MARCHF1: variants seen among roughly 807,000 people sequenced by gnomAD.
MARCHF1 encodes E3 ubiquitin-protein ligase MARCHF1.
In MARCHF1, 40 loss-of-function variants were observed where a neutral mutation model predicts 54.2. The observed-to-expected ratio is 0.74, with a 90% CI of 0.57 to 0.96. The LOEUF (loss-of-function observed/expected upper bound fraction) is 0.96, where lower values mean the gene tolerates loss of function less well. Among genes scored for constraint, MARCHF1 ranks in the 40% least tolerant of loss-of-function variants. MARCHF1 has a pLI of 0.00. For synonymous variants in MARCHF1, 236 were observed against 236.3 expected (o/e 1.00, Z 0.01); for missense variants, 586 against 656.5 (o/e 0.89, Z 1.17).
intron 5 of MARCHF1, among the ~76,000 whole-genome samples, chr4:163,698,833 T>C (rs1387667876): frequency 6.6e-6 from 1 of 152,214 alleles, no homozygotes; most frequent in Non-Finnish European, 1.5e-5. Flanking sequence ...TCATTACTTA[T>C]TCAACATTAG....
intron 8 of MARCHF1, among the ~76,000 whole-genome samples, chr4:163,574,151 G>A (rs1478174517): frequency 5.9e-5 from 9 of 151,950 alleles, no homozygotes; most frequent in Non-Finnish European, 1.2e-4. Flanking sequence ...CCCACTTTTT[G>A]ATGGGGTTGT....
chr4:163,837,192 C>T (rs1330421032), intron 4 of MARCHF1, among the ~76,000 whole-genome samples: 2 of 152,010 alleles, frequency 1.3e-5, no homozygotes, highest in Non-Finnish European at 2.9e-5. Context: ...ATTCTAGATC[C>T]AGTGCTAATA....
chr4:163,557,603 G>C (rs111415056), intron 8 of MARCHF1, among the ~76,000 whole-genome samples: 4,878 of 152,228 alleles, frequency 0.032, 278 homozygotes, highest in African/African-American at 0.11. Flanking sequence ...TAAAGCTCAA[G>C]AGTGAGAACT....
chr4:163,903,475 T>C (rs899250593), intron 3 of MARCHF1, among the ~76,000 whole-genome samples: 2 of 152,226 alleles, frequency 1.3e-5, no homozygotes, highest in Non-Finnish European at 2.9e-5. Context: ...TTATTTTAAA[T>C]AGATGATTTG....
At chr4:163,814,649 C>T (rs1435042753) in intron 4 of MARCHF1, among the ~76,000 whole-genome samples, 1 of 152,126 alleles carries the variant, frequency 6.6e-6, no homozygotes, top group African/African-American at 2.4e-5. Flanking sequence ...GAAACTTTGC[C>T]ACACAATGCA....
chr4:163,682,313 C>T (rs1236706659), intron 5 of MARCHF1, among the ~76,000 whole-genome samples: 2 of 152,134 alleles, frequency 1.3e-5, no homozygotes, highest in African/African-American at 2.4e-5. Flanking sequence ...AAGGAAAAAC[C>T]CATTTTCTGG....
chr4:163,721,967 T>C (rs1745483908), intron 4 of MARCHF1, among the ~76,000 whole-genome samples: 1 of 152,122 alleles, frequency 6.6e-6, no homozygotes, highest in Non-Finnish European at 1.5e-5. Flanking sequence ...TTGTTGATCG[T>C]TTCAAAAAAC....
At chr4:164,153,029 C>T (rs1012144592) in intron 1 of MARCHF1, among the ~76,000 whole-genome samples, 1 of 152,062 alleles carries the variant, frequency 6.6e-6, no homozygotes, top group Admixed American at 6.6e-5. Flanking sequence ...CTCAGAACCT[C>T]CCGAAAGCTG....
intron 5 of MARCHF1, among the ~76,000 whole-genome samples, chr4:163,695,954 T>G (rs1488363397): frequency 6.6e-6 from 1 of 152,072 alleles, no homozygotes; most frequent in East Asian, 1.9e-4. Flanking sequence ...TGATGGATAA[T>G]TGAAAGCTGC....
chr4:163,902,614 A>T (rs1750966862), intron 3 of MARCHF1, among the ~76,000 whole-genome samples: 1 of 152,156 alleles, frequency 6.6e-6, no homozygotes, highest in South Asian at 2.1e-4. Context: ...TTCTCACAGC[A>T]CTGTCCTAGA....
chr4:163,882,983 T>C (rs1750449596), intron 3 of MARCHF1, among the ~76,000 whole-genome samples: 1 of 152,034 alleles, frequency 6.6e-6, no homozygotes, highest in Non-Finnish European at 1.5e-5. Flanking sequence ...TCTCAAATAA[T>C]ATATTTATTT....
At chr4:164,219,202 T>C (rs926163182) in intron 1 of MARCHF1, among the ~76,000 whole-genome samples, 6 of 144,176 alleles carry the variant, frequency 4.2e-5, no homozygotes, top group Non-Finnish European at 9.0e-5. Flanking sequence ...TTATTAATCA[T>C]GTGGAAGACA....
At chr4:163,664,964 A>G (rs901652753) in intron 5 of MARCHF1, among the ~76,000 whole-genome samples, 3 of 152,102 alleles carry the variant, frequency 2.0e-5, no homozygotes, top group African/African-American at 7.2e-5. Context: ...CCCAGATTAG[A>G]TTATATTTAG....
intron 1 of MARCHF1, among the ~76,000 whole-genome samples, chr4:164,328,788 C>G (rs941496445): frequency 2.6e-5 from 4 of 152,154 alleles, no homozygotes; most frequent in Non-Finnish European, 5.9e-5. Flanking sequence ...CCTCAGCCCC[C>G]TAAAGTGCTG....
intron 9 of MARCHF1, among the ~76,000 whole-genome samples, chr4:163,535,049 C>T (rs1310657204): frequency 6.6e-6 from 1 of 151,868 alleles, no homozygotes; most frequent in Non-Finnish European, 1.5e-5. Flanking sequence ...TAATTTTTGA[C>T]CATTAGTGCA....
chr4:163,587,176 G>C (rs181421554), intron 7 of MARCHF1, among the ~76,000 whole-genome samples: 44 of 152,112 alleles, frequency 2.9e-4, no homozygotes, highest in Admixed American at 2.7e-3. Flanking sequence ...TTTTCTCTTT[G>C]GATGAGACAA....
At chr4:163,940,162 A>T (rs557720765) in intron 3 of MARCHF1, among the ~76,000 whole-genome samples, 1 of 152,272 alleles carries the variant, frequency 6.6e-6, no homozygotes, top group Non-Finnish European at 1.5e-5. Context: ...CACCAAATCA[A>T]CTAGTGTCTT....
chr4:163,526,979 A>G lies in MARCHF1; in HGVS notation c.*1769T>C, dbSNP rs1409818889. On this transcript the variant is annotated 3_prime_UTR_variant, in exon 10 of 10. Transcript: ENST00000514618. ...TTTGTTTTTTTTTTCCCTTTTTCCT[A>G]TGATCTGTGAAGAACAAGCACACTG... 6.7e-6 allele frequency: 1 copy of G among 150,206 alleles called. No homozygotes were observed. Among genetic ancestry groups the G allele is most frequent in the African/African-American group, 2.4e-5 (1 of 40,838 alleles). 9.3% of individuals were successfully genotyped at this position (150,206 alleles called of 1,614,324 possible).
chr4:164,364,704 A>G (rs1401828847), intron 1 of MARCHF1, among the ~76,000 whole-genome samples: 1 of 150,146 alleles, frequency 6.7e-6, no homozygotes, highest in East Asian at 1.9e-4. Context: ...TTTTTTTTTT[A>G]AATAAAAAGA....
Sources: gnomAD v4.1 joint callset for allele counts (sites outside exome capture counted in the v4.1 genomes callset) on GRCh38, gnomAD v4.1.1 for gene constraint, MANE v1.5 for transcripts, NCBI Gene and HGNC (gene_info 2026-07-23, HGNC 2026-07-21) for gene names.